ZC2HC1B: variants seen among roughly 807,000 people sequenced by gnomAD.
The protein encoded by ZC2HC1B is zinc finger C2HC-type containing 1B.
ZC2HC1B carries 36 observed loss-of-function variants against 31.0 expected under a neutral mutation model. The observed-to-expected ratio is 1.16, with a 90% CI of 0.89 to 1.54. The LOEUF (loss-of-function observed/expected upper bound fraction) is 1.54, where lower values mean the gene tolerates loss of function less well. ZC2HC1B is among the 40% of genes most tolerant of loss of function. The probability of loss-of-function intolerance (pLI) is 0.00; values close to 1 mark genes in which losing one functional copy is unlikely to be tolerated. For missense variants in ZC2HC1B, 260 were observed against 268.6 expected, an observed-to-expected ratio of 0.97 and a Z score of 0.22; for synonymous variants, 73 against 88.0, an observed-to-expected ratio of 0.83 and a Z score of 0.95.
At position 143,869,125 on chromosome 6, in the gene ZC2HC1B, C is replaced by T. The variant is rs1777306229; in HGVS notation, c.28+4558C>T. On this transcript the variant is annotated intron_variant, in intron 1 of 7. Coordinates refer to ENST00000237275, the MANE Select transcript of ZC2HC1B (RefSeq NM_001013623.3). The surrounding 1 kb of genome is among the most constrained non-coding windows in gnomAD (Gnocchi z 5.2). ...TTTTTTCCTGGTGGAGTGACCCAAACCTTCATTCCTGAAGGGTCTGGGCCA... is the reference window on the plus strand; with the variant it reads ...TTTTTTCCTGGTGGAGTGACCCAAATCTTCATTCCTGAAGGGTCTGGGCCA... 6.6e-6 allele frequency among the ~76,000 whole-genome samples: 1 copy of T among 152,204 alleles called. No individual in the cohort carries two copies. The highest frequency in any genetic ancestry group is 1.9e-4 in the East Asian group (1 of 5,192).
chr6:143,888,809 T>G (rs1777563376), intron 4 of ZC2HC1B, among the ~76,000 whole-genome samples: 1 of 151,996 alleles, frequency 6.6e-6, no homozygotes, highest in African/African-American at 2.4e-5. Context: ...TCTATAGGAT[T>G]TTATACAATA....
intron 6 of ZC2HC1B, among the ~76,000 whole-genome samples, chr6:143,932,980 C>A (rs1053071323): frequency 1.3e-5 from 2 of 152,162 alleles, no homozygotes; most frequent in Non-Finnish European, 2.9e-5. Flanking sequence ...TCTGCCGAGT[C>A]CTGTGATGCA....
chr6:143,923,704 A>T lies in ZC2HC1B; in HGVS notation c.599-13945A>T, dbSNP rs999926974. On this transcript the variant is annotated intron_variant, in intron 6 of 7. Coordinates refer to ENST00000237275, the MANE Select transcript of ZC2HC1B (RefSeq NM_001013623.3). This position sits in a 1 kb window ranked among gnomAD's most constrained non-coding sequence, Gnocchi z 4.8. ...TTTCCCTGTACCATTATTGAAGAGG[A>T]TGCCTTTCCCCAATTTATATTCTTA... 3.3e-5 allele frequency among the ~76,000 whole-genome samples: 5 copies of T among 152,114 alleles called. No homozygotes were observed. The highest frequency in any genetic ancestry group is 6.5e-5 in the Admixed American group (1 of 15,276).
chr6:143,916,813 C>G (rs1176306299), intron 6 of ZC2HC1B, among the ~76,000 whole-genome samples: 2 of 152,210 alleles, frequency 1.3e-5, no homozygotes, highest in African/African-American at 4.8e-5. Flanking sequence ...CCCATTGTAT[C>G]TAGGAAGTAA....
At position 143,921,142 on chromosome 6, in the gene ZC2HC1B, C is replaced by T. The variant is rs1158341580; in HGVS notation, c.599-16507C>T. Among the ~76,000 whole-genome samples, 1 of 152,168 alleles carries T rather than the reference C, an allele frequency of 6.6e-6. No homozygotes were observed. Among genetic ancestry groups the T allele is most frequent in the African/African-American group, 2.4e-5 (1 of 41,438 alleles). On this transcript the variant is annotated intron_variant, in intron 6 of 7. Transcript: ENST00000237275. The surrounding 1 kb of genome is among the most constrained non-coding windows in gnomAD (Gnocchi z 6.1). The stretch of plus-strand genomic sequence containing the variant: ...CCCCTCTGCTGAAAACAAAAACACT[C>T]TCCCAGTAATCTGCACTGCTCACTC...
rs371688836 is a variant in ZC2HC1B at position 143,936,248 on chromosome 6, T to C, written c.599-1401T>C. 3.9e-5 allele frequency among the ~76,000 whole-genome samples: 6 copies of C among 152,316 alleles called. No individual in the cohort carries two copies. In the South Asian group the frequency reaches 1.0e-3, roughly 26 times the overall value. On this transcript the variant is annotated intron_variant, in intron 6 of 7. Coordinates refer to ENST00000237275, the MANE Select transcript of ZC2HC1B (RefSeq NM_001013623.3). ...CACCTGGTATTAAGTGAAGTTACCA[T>C]GCCAGTTAAGCAACTGGCGTATGAA...
Position 143,865,314 on chromosome 6 carries a change from C to T in ZC2HC1B, c.28+747C>T, listed in dbSNP as rs1211949192. 1.3e-5 allele frequency among the ~76,000 whole-genome samples: 2 copies of T among 152,134 alleles called. No homozygotes were observed. Among genetic ancestry groups the T allele is most frequent in the African/African-American group, 2.4e-5 (1 of 41,422 alleles). ...GTCTGAGGAGGCAGGATAGGTGCAG[C>T]GAAATGTAACTGGCAATACTATCGT... On this transcript the variant is annotated intron_variant, in intron 1 of 7. Coordinates refer to ENST00000237275, the MANE Select transcript of ZC2HC1B (RefSeq NM_001013623.3). The surrounding 1 kb of genome is among the most constrained non-coding windows in gnomAD (Gnocchi z 4.4).
At position 143,884,271 on chromosome 6, in the gene ZC2HC1B, A is replaced by C. The variant is rs573284414; in HGVS notation, c.29-33A>C. The stretch of plus-strand genomic sequence containing the variant: ...TCTTCTCAGCGAGGAAATTCCATGA[A>C]ACTAACATAATGTGCTCTTGAATTT... On this transcript the variant is annotated intron_variant, in intron 1 of 7. Transcript: ENST00000237275. The surrounding 1 kb of genome is among the most constrained non-coding windows in gnomAD (Gnocchi z 5.1). 1.8e-5 allele frequency: 27 copies of C among 1,500,182 alleles called. No individual in the cohort carries two copies. The South Asian group carries it at 3.0e-4, about 17-fold the overall frequency. The allele number at this position is 1,500,182 out of a possible 1,614,324, so 92.9% of individuals were successfully genotyped here.
At chr6:143,904,834 G>A (rs189989833) in intron 6 of ZC2HC1B, among the ~76,000 whole-genome samples, 42 of 152,306 alleles carry the variant, frequency 2.8e-4, no homozygotes, top group African/African-American at 9.6e-4. Context: ...TAGATGTCCA[G>A]TTTCCCCATT....
rs767228644 is a variant in ZC2HC1B at position 143,908,900 on chromosome 6, A to C, written c.598+5748A>C. Among the ~76,000 whole-genome samples the C allele has an allele frequency of 1.3e-5, 2 of 152,136 alleles. No individual in the cohort carries two copies. The highest frequency in any genetic ancestry group is 2.9e-5 in the Non-Finnish European group (2 of 68,038). On this transcript the variant is annotated intron_variant, in intron 6 of 7. Coordinates refer to ENST00000237275, the MANE Select transcript of ZC2HC1B (RefSeq NM_001013623.3). This position sits in a 1 kb window ranked among gnomAD's most constrained non-coding sequence, Gnocchi z 4.4. Reference sequence around the variant, plus strand: ...CCAGCTTTTGCCGAATCAGTATGATATTGGCTGTGGGTTTGTCATATGTGA... The same window carrying C: ...CCAGCTTTTGCCGAATCAGTATGATCTTGGCTGTGGGTTTGTCATATGTGA...
In ZC2HC1B at chr6:143,918,976, T is replaced by C. The variant is rs1320187430; in HGVS notation, c.598+15824T>C. Among the ~76,000 whole-genome samples, 1 of 152,200 alleles carries C rather than the reference T, an allele frequency of 6.6e-6. No individual in the cohort carries two copies. Among genetic ancestry groups the C allele is most frequent in the Non-Finnish European group, 1.5e-5 (1 of 68,036 alleles). ...TTTTCTTGAGTCTCTTCACATCTTT[T>C]TTTAGTTCCCTGAGCATCTTCAGTT... On this transcript the variant is annotated intron_variant, in intron 6 of 7. Transcript: ENST00000237275. This position sits in a 1 kb window ranked among gnomAD's most constrained non-coding sequence, Gnocchi z 4.1.
rs181001508 is a variant in ZC2HC1B, at chr6:143,899,732, G to A, written c.489+1041G>A. Among the ~76,000 whole-genome samples, 6 of 152,276 alleles carry A rather than the reference G, an allele frequency of 3.9e-5. No individual in the cohort carries two copies. Among genetic ancestry groups the A allele is most frequent in the Non-Finnish European group, 5.9e-5 (4 of 68,010 alleles). On this transcript the variant is annotated intron_variant, in intron 5 of 7. Transcript: ENST00000237275. The surrounding 1 kb of genome is among the most constrained non-coding windows in gnomAD (Gnocchi z 5.0). ...ATCCAGTATGTAATGGGGTGGGACCGTTTCCAACAAAAGCGGATCCCACAG... is the reference window on the plus strand; with the variant it reads ...ATCCAGTATGTAATGGGGTGGGACCATTTCCAACAAAAGCGGATCCCACAG...
chr6:143,928,277 A>G (rs142182983), intron 6 of ZC2HC1B, among the ~76,000 whole-genome samples: 1 of 152,172 alleles, frequency 6.6e-6, no homozygotes, highest in African/African-American at 2.4e-5. Context: ...TCTTTAACTC[A>G]TCTTAATTTT....
rs1777983498 is a variant in ZC2HC1B, at chr6:143,921,191, TAA to T, written c.599-16456_599-16455del. ...TCATTCACTTCCTTCAGTTCTTTGC[TAA>T]AGTGTCGCCTCAGTGAGACTTCTCC... is the stretch of plus-strand genomic sequence containing the variant. On this transcript the variant is annotated intron_variant, in intron 6 of 7. Transcript: ENST00000237275. This position sits in a 1 kb window ranked among gnomAD's most constrained non-coding sequence, Gnocchi z 6.1. Among the ~76,000 whole-genome samples, 1 of 152,208 alleles carries T rather than the reference TAA, an allele frequency of 6.6e-6. No individual in the cohort carries two copies.
chr6:143,917,307 G>A lies in ZC2HC1B; in HGVS notation c.598+14155G>A, dbSNP rs570766829. 2.0e-5 allele frequency among the ~76,000 whole-genome samples: 3 copies of A among 152,296 alleles called. No homozygotes were observed. Among genetic ancestry groups the A allele is most frequent in the African/African-American group, 7.2e-5 (3 of 41,574 alleles). On this transcript the variant is annotated intron_variant, in intron 6 of 7. Transcript: ENST00000237275. The surrounding 1 kb of genome is among the most constrained non-coding windows in gnomAD (Gnocchi z 4.1). ...ACCTCTTTCTTTTGTAAATTGCCCA[G>A]TCTTGGATATGTCTTTATCAGCAGC... is the stretch of plus-strand genomic sequence containing the variant.
At chr6:143,900,995 T>C (rs1190002348) in intron 5 of ZC2HC1B, among the ~76,000 whole-genome samples, 1 of 151,740 alleles carries the variant, frequency 6.6e-6, no homozygotes, top group African/African-American at 2.4e-5. Context: ...CCCACCACCA[T>C]GCCTGACTAA....
intron 4 of ZC2HC1B, 143 bp from the exon 5 acceptor site, chr6:143,898,409 C>T: frequency 9.2e-7 from 1 of 1,082,232 alleles, no homozygotes; most frequent in Non-Finnish European, 1.3e-6. Flanking sequence ...AGTCCACTCA[C>T]CTCAGCCTCA....
intron 1 of ZC2HC1B, among the ~76,000 whole-genome samples, chr6:143,882,335 TATATATATATATA>T (rs1777479095): frequency 2.1e-5 from 1 of 48,214 alleles, no homozygotes; most frequent in South Asian, 7.8e-4. Context: ...TTATATTTTT[TATATATATATATA>T]TATATATATA....
chr6:143,912,171 T>A (rs1192772783), intron 6 of ZC2HC1B, among the ~76,000 whole-genome samples: 1 of 152,222 alleles, frequency 6.6e-6, no homozygotes, highest in Non-Finnish European at 1.5e-5. Flanking sequence ...CCTGTATTGT[T>A]TTATCATGAT....
Sources: allele counts gnomAD v4.1 joint callset (sites outside exome capture counted in the v4.1 genomes callset), GRCh38; gene constraint gnomAD v4.1.1; non-coding constraint Gnocchi (gnomAD v3.1); transcripts MANE v1.5; gene names NCBI Gene and HGNC (gene_info 2026-07-23, HGNC 2026-07-21).